The following RCAN1 variants were observed in gnomAD, a reference collection of about 807,000 sequenced individuals.
RCAN1 encodes the protein calcipressin-1.
RCAN1 carries 11 observed loss-of-function variants against 22.9 expected under a neutral mutation model. The observed-to-expected ratio is 0.48, with a 90% confidence interval of 0.30 to 0.79. The LOEUF is 0.79. Ranked by LOEUF, RCAN1 falls within the 30% of genes least tolerant of loss-of-function variation. RCAN1 has a pLI of 0.06. For missense variants in RCAN1, 291 were observed against 337.8 expected (o/e 0.86, Z 1.09); for synonymous variants, 136 against 142.3 (o/e 0.96, Z 0.32).
chr21:34,603,964 C>T (rs1325085426), intron 1 of RCAN1, among the ~76,000 whole-genome samples: 1 of 152,186 alleles, frequency 6.6e-6, no homozygotes, highest in Non-Finnish European at 1.5e-5. Flanking sequence ...CCAGGATGGA[C>T]AAAGTGGATG....
chr21:34,550,870 C>T (rs1986338953), intron 1 of RCAN1, among the ~76,000 whole-genome samples: 1 of 152,204 alleles, frequency 6.6e-6, no homozygotes, highest in Non-Finnish European at 1.5e-5. Context: ...CATACTAAGG[C>T]ATGCCCCCAC....
intron 1 of RCAN1, among the ~76,000 whole-genome samples, chr21:34,590,427 T>C (rs1177365737): frequency 1.3e-5 from 2 of 152,228 alleles, no homozygotes; most frequent in Non-Finnish European, 2.9e-5. Flanking sequence ...TAAATGAATA[T>C]ATAATGAGCA....
intron 1 of RCAN1, among the ~76,000 whole-genome samples, chr21:34,593,688 C>T (rs957035297): frequency 2.0e-5 from 3 of 152,106 alleles, no homozygotes; most frequent in East Asian, 1.9e-4. Flanking sequence ...GTTGGGAGGT[C>T]GGGCTGAGGC....
intron 1 of RCAN1, among the ~76,000 whole-genome samples, chr21:34,572,998 A>G (rs1987284900): frequency 6.6e-6 from 1 of 152,218 alleles, no homozygotes; most frequent in Admixed American, 6.5e-5. Context: ...TTACAATTCA[A>G]CATGAGATTT....
At chr21:34,600,479 G>A (rs1988298186) in intron 1 of RCAN1, among the ~76,000 whole-genome samples, 1 of 152,140 alleles carries the variant, frequency 6.6e-6, no homozygotes, top group South Asian at 2.1e-4. Context: ...GAACCAGAGA[G>A]AGAAGGGAGA....
chr21:34,610,549 T>G (rs1988658520), intron 1 of RCAN1, among the ~76,000 whole-genome samples: 1 of 152,162 alleles, frequency 6.6e-6, no homozygotes, highest in Non-Finnish European at 1.5e-5. Context: ...TGGAGCTTCA[T>G]CAAATTTTCA....
chr21:34,566,810 G>A (rs184001570), intron 1 of RCAN1, among the ~76,000 whole-genome samples: 1 of 152,302 alleles, frequency 6.6e-6, no homozygotes, highest in Admixed American at 6.5e-5. Flanking sequence ...GGGGGAGCAG[G>A]CGTGTCACAT....
chr21:34,596,594 G>A (rs1044930690), intron 1 of RCAN1, among the ~76,000 whole-genome samples: 7 of 152,154 alleles, frequency 4.6e-5, no homozygotes, highest in South Asian at 2.1e-4. Flanking sequence ...GTTTAGAGCC[G>A]TCTCAGGGAC....
intron 1 of RCAN1, among the ~76,000 whole-genome samples, chr21:34,580,019 C>T (rs769336606): frequency 1.3e-5 from 2 of 152,218 alleles, no homozygotes; most frequent in Non-Finnish European, 2.9e-5. Flanking sequence ...CTCCCACTAA[C>T]ACCCGGTGTC....
At position 34,518,488 on chromosome 21, in the gene RCAN1, G is replaced by A. The variant is rs1029943084; in HGVS notation, c.587-232C>T. Among the ~76,000 whole-genome samples, 1 of 152,200 alleles carries A rather than the reference G, an allele frequency of 6.6e-6. No individual in the cohort carries two copies. Among genetic ancestry groups the A allele is most frequent in the Admixed American group, 6.5e-5 (1 of 15,282 alleles). ...TTTAGTCAAACATTCTGGGAGTCCA[G>A]GCACATGAGAAGTATAGAAGGAATG... On this transcript the variant is annotated intron_variant, in intron 3 of 3. Transcript: ENST00000313806. The surrounding 1 kb of genome is among the most constrained non-coding windows in gnomAD (Gnocchi z 4.2).
chr21:34,530,145 G>A (rs1210151264), intron 1 of RCAN1, among the ~76,000 whole-genome samples: 1 of 152,142 alleles, frequency 6.6e-6, no homozygotes, highest in Non-Finnish European at 1.5e-5. Flanking sequence ...TCTAAAACCT[G>A]CACTCAACAT....
At position 34,518,035 on chromosome 21, in the gene RCAN1, G is replaced by T. The variant is rs747939513; in HGVS notation, c.*49C>A. The stretch of plus-strand genomic sequence containing the variant: ...GTGACCAGCCACCTCCACAGTAAAA[G>T]ATTCCTCCCGTGAGTATGATTTGGA... On this transcript the variant is annotated 3_prime_UTR_variant, in exon 4 of 4. Transcript: ENST00000313806. The surrounding 1 kb of genome is among the most constrained non-coding windows in gnomAD (Gnocchi z 4.2). 3.1e-6 allele frequency: 5 copies of T among 1,603,006 alleles called. No homozygotes were observed. The African/African-American group carries it at 4.0e-5, about 13-fold the overall frequency.
intron 1 of RCAN1, among the ~76,000 whole-genome samples, chr21:34,598,579 C>T (rs1025076764): frequency 4.6e-5 from 7 of 152,148 alleles, no homozygotes; most frequent in African/African-American, 1.7e-4. Context: ...CAAAAATGTA[C>T]AAGTTCTAGA....
intron 1 of RCAN1, among the ~76,000 whole-genome samples, chr21:34,555,839 G>T (rs1986543912): frequency 6.6e-6 from 1 of 151,566 alleles, no homozygotes; most frequent in South Asian, 2.1e-4. Flanking sequence ...GAGGCAGGTG[G>T]ATCACGAGGT....
At chr21:34,568,116 C>T (rs1013482462) in intron 1 of RCAN1, among the ~76,000 whole-genome samples, 61 of 152,316 alleles carry the variant, frequency 4.0e-4, no homozygotes, top group Middle Eastern at 3.4e-3. Context: ...CATAGCATGC[C>T]ATGGTCCCTT....
intron 1 of RCAN1, chr21:34,613,726 G>A: frequency 6.9e-7 from 1 of 1,454,114 alleles, no homozygotes. Context: ...TAAGCACACG[G>A]CCATTGTAAT....
chr21:34,576,558 G>A (rs886979360), intron 1 of RCAN1, among the ~76,000 whole-genome samples: 8 of 152,140 alleles, frequency 5.3e-5, no homozygotes, highest in Non-Finnish European at 8.8e-5. Flanking sequence ...GAAGAATGAT[G>A]AATATTAAAA....
intron 1 of RCAN1, among the ~76,000 whole-genome samples, chr21:34,563,393 T>C (rs1183754937): frequency 1.3e-5 from 2 of 152,212 alleles, no homozygotes; most frequent in Non-Finnish European, 1.5e-5. Context: ...TATTCCTACA[T>C]TAAAAAAGAT....
chr21:34,564,395 C>A (rs16991906), intron 1 of RCAN1, among the ~76,000 whole-genome samples: 36,864 of 152,076 alleles, frequency 0.24, 5,207 homozygotes, highest in African/African-American at 0.39. Context: ...GGAACCCGGA[C>A]ACTGTCCCAT....
Sources: allele counts gnomAD v4.1 joint callset (sites outside exome capture counted in the v4.1 genomes callset), GRCh38; gene constraint gnomAD v4.1.1; non-coding constraint Gnocchi (gnomAD v3.1); transcripts MANE v1.5; gene names NCBI Gene and HGNC (gene_info 2026-07-23, HGNC 2026-07-21).